PCDHGA2: variants seen among roughly 807,000 people sequenced by gnomAD.
PCDHGA2 encodes protocadherin gamma subfamily A, 2.
In PCDHGA2, 40 loss-of-function variants were observed where a neutral mutation model predicts 59.2. The ratio of observed to expected loss-of-function variants is 0.68; its 90% CI spans 0.52 to 0.88. PCDHGA2 has a LOEUF of 0.88. PCDHGA2 is among the 40% of genes least tolerant of loss of function. PCDHGA2 has a pLI of 0.00. For synonymous variants in PCDHGA2, 560 were observed against 526.0 expected (o/e 1.06, Z -0.89); for missense variants, 1,226 against 1,204.0 (o/e 1.02, Z -0.27).
intron 1 of PCDHGA2, chr5:141,387,892 G>C (rs2091136247): frequency 6.5e-7 from 1 of 1,550,258 alleles, no homozygotes; most frequent in African/African-American, 1.4e-5. Context: ...GGGATGGGGA[G>C]CGGCGCCGGG....
Position 141,485,943 on chromosome 5 carries a change from C to A in PCDHGA2, c.2425-8864C>A, listed in dbSNP as rs750871245. The A allele has an allele frequency of 1.9e-6, 3 of 1,614,126 alleles. No individual in the cohort carries two copies. Among genetic ancestry groups the A allele is most frequent in the Non-Finnish European group, 1.7e-6 (2 of 1,180,012 alleles). ...ATTAGTGTGTTGGAGAGCGCACCAG[C>A]GGGCATGGTGCTCATCCAGCTCAAT... is the stretch of plus-strand genomic sequence containing the variant. On this transcript the variant is annotated intron_variant, in intron 1 of 3. Coordinates refer to ENST00000394576, the MANE Select transcript of PCDHGA2 (RefSeq NM_018915.4). The surrounding 1 kb of genome is among the most constrained non-coding windows in gnomAD (Gnocchi z 5.7).
rs143458039 is a variant in PCDHGA2 at position 141,339,663 on chromosome 5, A to G, written c.692A>G (p.Lys231Arg). ...VLSGTSRICV[K>R]VLDANDNAPV... Reference sequence around the variant, plus strand: ...TCTGGCACCTCCCGCATCTGCGTGAAGGTCCTGGATGCGAACGACAATGCG... The same window carrying G: ...TCTGGCACCTCCCGCATCTGCGTGAGGGTCCTGGATGCGAACGACAATGCG... The change falls in exon 1 of 4, where the codon AAG becomes AGG. Residue 231 changes from lysine to arginine, a missense_variant. Transcript: ENST00000394576. 3.4e-5 allele frequency: 55 copies of G among 1,614,158 alleles called. No homozygotes were observed. The African/African-American group carries it at 6.7e-4, about 20-fold the overall frequency.
At chr5:141,370,656 G>A (rs768093721) in intron 1 of PCDHGA2, 1 of 1,613,852 alleles carries the variant, frequency 6.2e-7, no homozygotes, top group Non-Finnish European at 8.5e-7. Context: ...ACTTGTGAGC[G>A]ACCGTATAGA....
At chr5:141,376,276 C>T (rs3749771) in intron 1 of PCDHGA2, 1 of 1,614,240 alleles carries the variant, frequency 6.2e-7, no homozygotes, top group Non-Finnish European at 8.5e-7. Context: ...CGGGAGGTGG[C>T]TTAGCGAGCA....
intron 1 of PCDHGA2, chr5:141,346,234 G>T: frequency 6.2e-7 from 1 of 1,614,212 alleles, no homozygotes; most frequent in Non-Finnish European, 8.5e-7. Flanking sequence ...GGCTTGGCGA[G>T]TACGCCCGGC....
At position 141,477,418 on chromosome 5, in the gene PCDHGA2, C is replaced by G. The variant is rs759728291; in HGVS notation, c.2425-17389C>G. ...GCATCACCGCCCGAGACGCCGGAAC[C>G]CCTTCCCTCTCAGCCCTTACAATAG... On this transcript the variant is annotated intron_variant, in intron 1 of 3. Transcript: ENST00000394576. This position sits in a 1 kb window ranked among gnomAD's most constrained non-coding sequence, Gnocchi z 4.9. 2 of 1,614,166 alleles carry G rather than the reference C, an allele frequency of 1.2e-6. No homozygotes were observed. Among genetic ancestry groups the G allele is most frequent in the Non-Finnish European group, 1.7e-6 (2 of 1,180,030 alleles).
chr5:141,500,367 C>A (rs953610460), intron 2 of PCDHGA2, among the ~76,000 whole-genome samples: 7 of 151,940 alleles, frequency 4.6e-5, no homozygotes, highest in African/African-American at 1.7e-4. Context: ...CACTACCACG[C>A]CCGGCTAATT....
intron 1 of PCDHGA2, chr5:141,376,373 C>G (rs368702591): frequency 1.2e-6 from 2 of 1,614,192 alleles, no homozygotes; most frequent in Non-Finnish European, 1.7e-6. Flanking sequence ...TGCAGACTCG[C>G]GTAAGAGTCA....
intron 1 of PCDHGA2, among the ~76,000 whole-genome samples, chr5:141,459,532 TA>T (rs1031834752): frequency 6.6e-5 from 10 of 152,354 alleles, no homozygotes; most frequent in East Asian, 3.9e-4. Context: ...TTTGTAGGCA[TA>T]TTTTTTTTAT....
At chr5:141,383,058 G>A (rs1289702805) in intron 1 of PCDHGA2, 1 of 1,613,912 alleles carries the variant, frequency 6.2e-7, no homozygotes, top group East Asian at 2.2e-5. Context: ...AGGACCTGGG[G>A]CTGGAGCCCC....
Position 141,477,029 on chromosome 5 carries a change from A to T in PCDHGA2, c.2425-17778A>T, listed in dbSNP as rs754045855. ...CTTAGACCTTGTAACCGGGATGCTG[A>T]CAATCAAGGGTCGGCTGGACTTCGA... On this transcript the variant is annotated intron_variant, in intron 1 of 3. Transcript: ENST00000394576. This position sits in a 1 kb window ranked among gnomAD's most constrained non-coding sequence, Gnocchi z 4.9. 2 of 1,614,238 alleles carry T rather than the reference A, an allele frequency of 1.2e-6. No homozygotes were observed. The highest frequency in any genetic ancestry group is 3.3e-5 in the Admixed American group (2 of 60,028).
At chr5:141,506,213 A>G (rs2154593866) in intron 3 of PCDHGA2, among the ~76,000 whole-genome samples, 1 of 152,204 alleles carries the variant, frequency 6.6e-6, no homozygotes, top group South Asian at 2.1e-4. Flanking sequence ...CACTTTGGGA[A>G]GCTGAGGCAG....
chr5:141,357,451 C>A, intron 1 of PCDHGA2: 1 of 1,614,216 alleles, frequency 6.2e-7, no homozygotes, highest in South Asian at 1.1e-5. Context: ...GGCTTTCCTG[C>A]AGACCTATTC....
At chr5:141,366,481 G>A (rs1055854699) in intron 1 of PCDHGA2, 23 of 1,614,260 alleles carry the variant, frequency 1.4e-5, no homozygotes, top group Non-Finnish European at 1.9e-5. Flanking sequence ...TCAGACTGAG[G>A]CGCTGGCACA....
Position 141,511,913 on chromosome 5 carries a change from A to G in PCDHGA2, c.*740A>G, listed in dbSNP as rs1190072814. On this transcript the variant is annotated 3_prime_UTR_variant, in exon 4 of 4. Coordinates refer to ENST00000394576, the MANE Select transcript of PCDHGA2 (RefSeq NM_018915.4). ...CCCCCACCTCCTCCTCAAACAAGAG[A>G]CTCCACTGCATGTTCCAAGACAGTA... is the stretch of plus-strand genomic sequence containing the variant. The G allele has an allele frequency of 6.4e-6, 1 of 156,050 alleles. No individual in the cohort carries two copies. The highest frequency in any genetic ancestry group is 2.4e-5 in the African/African-American group (1 of 41,402). The allele number at this position is 156,050 out of a possible 1,614,324, so 9.7% of individuals were successfully genotyped here.
chr5:141,355,816 G>A, intron 1 of PCDHGA2: 5 of 1,613,166 alleles, frequency 3.1e-6, no homozygotes, highest in Non-Finnish European at 4.2e-6. Context: ...CGAGGAAGAG[G>A]CGGTTCACCA....
At chr5:141,395,543 TGTGTG>T in intron 1 of PCDHGA2, 1 of 8,204 alleles carries the variant, frequency 1.2e-4, no homozygotes, top group Non-Finnish European at 2.0e-4. Context: ...TGCTATTGTT[TGTGTG>T]TGTGTGTGTG....
chr5:141,361,668 C>T (rs923388451), intron 1 of PCDHGA2: 10 of 1,613,670 alleles, frequency 6.2e-6, no homozygotes, highest in Non-Finnish European at 8.5e-6. Context: ...GCGCGCAGAG[C>T]GGGGTGGTGT....
Position 141,490,688 on chromosome 5 carries a change from C to G in PCDHGA2, c.2425-4119C>G. 1 of 1,614,218 alleles carries G rather than the reference C, an allele frequency of 6.2e-7. No individual in the cohort carries two copies. Among genetic ancestry groups the G allele is most frequent in the Non-Finnish European group, 8.5e-7 (1 of 1,180,032 alleles). On this transcript the variant is annotated intron_variant, in intron 1 of 3. Coordinates refer to ENST00000394576, the MANE Select transcript of PCDHGA2 (RefSeq NM_018915.4). The surrounding 1 kb of genome is among the most constrained non-coding windows in gnomAD (Gnocchi z 5.4). ...ACTGTGGCTGCCTCAGATCCAGACA[C>G]TGGGGATAATGCCCGCCTCACCTAC...
Sources: gnomAD v4.1 joint callset for allele counts (sites outside exome capture counted in the v4.1 genomes callset) on GRCh38, gnomAD v4.1.1 for gene constraint, Gnocchi (gnomAD v3.1) non-coding constraint, MANE v1.5 for transcripts, NCBI Gene and HGNC (gene_info 2026-07-23, HGNC 2026-07-21) for gene names.